The following LNX1 variants were observed in gnomAD, a reference collection of about 807,000 sequenced individuals.
The protein encoded by LNX1 is ligand of numb-protein X 1.
In LNX1, 54 loss-of-function variants were observed where a neutral mutation model predicts 68.4. That is an observed-to-expected ratio of 0.79 (90% confidence interval 0.63 to 0.99). LNX1 has a LOEUF of 0.99. LNX1 is among the 50% of genes least tolerant of loss of function. LNX1 has a pLI of 0.00. For missense variants in LNX1, 906 were observed against 926.4 expected (o/e 0.98, Z 0.29); for synonymous variants, 336 against 350.0 (o/e 0.96, Z 0.45).
At chr4:53,602,225 T>G (rs28445760) in intron 2 of LNX1, among the ~76,000 whole-genome samples, 15,243 of 152,130 alleles carry the variant, frequency 0.1, 832 homozygotes, top group East Asian at 0.12. Flanking sequence ...CCATCTATTC[T>G]AGGTCCTGCA....
intron 2 of LNX1, among the ~76,000 whole-genome samples, chr4:53,560,545 G>T (rs1394229040): frequency 6.6e-6 from 1 of 152,122 alleles, no homozygotes; most frequent in Admixed American, 6.5e-5. Context: ...TGACTAATGA[G>T]GTATGAGTAG....
Position 53,461,460 on chromosome 4 carries a change from G to A in LNX1, c.2026C>T (p.Pro676Ser), listed in dbSNP as rs778299236. 6 of 1,610,166 alleles carry A rather than the reference G, an allele frequency of 3.7e-6. No homozygotes were observed. The highest frequency in any genetic ancestry group is 5.1e-6 in the Non-Finnish European group (6 of 1,177,480). ...CTAATTCTTCCATCATTGTATGCTG[G>A]TGTTCCTTCAACAATGGATTTGATG... ...FFIKSIVEGTPAYNDGRIRCG... is the reference protein window; with the variant it reads ...FFIKSIVEGTSAYNDGRIRCG... The change falls in exon 10 of 11, where the codon CCA becomes TCA. Residue 676 changes from proline (P) to serine (S), a missense_variant. By Grantham distance (74) the Pro-to-Ser change is moderately conservative. Coordinates refer to ENST00000263925, the MANE Select transcript of LNX1 (RefSeq NM_001126328.3).
intron 1 of LNX1, among the ~76,000 whole-genome samples, chr4:53,627,523 A>G (rs986865567): frequency 9.2e-5 from 14 of 152,254 alleles, no homozygotes; most frequent in Non-Finnish European, 1.5e-4. Flanking sequence ...CCACAGATCA[A>G]CAAAACAAGA....
intron 1 of LNX1, among the ~76,000 whole-genome samples, chr4:53,645,212 AGGGCTCCTTTGGCAAGGGAACTCTC>A (rs1358401736): frequency 6.6e-6 from 1 of 152,208 alleles, no homozygotes; most frequent in Non-Finnish European, 1.5e-5. Context: ...ATCCAGAGGA[AGGGCTCCTTTGGCAAGGGAACTCTC>A]GGGAGGCTGG....
chr4:53,535,803 C>T (rs752453502), intron 2 of LNX1, among the ~76,000 whole-genome samples: 33 of 152,164 alleles, frequency 2.2e-4, no homozygotes, highest in Non-Finnish European at 2.1e-4. Context: ...AGATGAATTA[C>T]TTCTCATTCA....
chr4:53,476,107 G>A (rs1476217135), intron 9 of LNX1, among the ~76,000 whole-genome samples: 2 of 151,994 alleles, frequency 1.3e-5, no homozygotes, highest in Non-Finnish European at 2.9e-5. Context: ...GACCAGCCTG[G>A]GCAACATGGT....
intron 2 of LNX1, among the ~76,000 whole-genome samples, chr4:53,520,543 C>A (rs545503554): frequency 6.6e-6 from 1 of 152,226 alleles, no homozygotes; most frequent in South Asian, 2.1e-4. Context: ...AATTTCCATG[C>A]GACAGATGAT....
At chr4:53,593,185 A>G (rs533736872), upstream of LNX1, 7 of 152,306 alleles carry the variant, frequency 4.6e-5, no homozygotes, top group African/African-American at 1.7e-4. Flanking sequence ...TAATTGAGAA[A>G]CATCACTCAC....
At chr4:53,508,336 T>C in intron 2 of LNX1, 109 bp from the exon 3 acceptor site, 2 of 1,384,834 alleles carry the variant, frequency 1.4e-6, no homozygotes, top group South Asian at 1.4e-5. Flanking sequence ...TTGTTGAACT[T>C]GGAATTTGAT....
intron 2 of LNX1, among the ~76,000 whole-genome samples, chr4:53,545,020 GCTT>G (rs1352439613): frequency 6.6e-6 from 1 of 152,182 alleles, no homozygotes; most frequent in African/African-American, 2.4e-5. Context: ...GTACCCAGAT[GCTT>G]TTTTCTATTA....
chr4:53,527,437 C>G (rs62323622), intron 2 of LNX1, among the ~76,000 whole-genome samples: 3,608 of 152,254 alleles, frequency 0.024, 58 homozygotes, highest in Middle Eastern at 0.058. Flanking sequence ...TGAATTCCCC[C>G]ACACCCATAA....
intron 1 of LNX1, chr4:53,576,175 T>C: frequency 6.3e-7 from 1 of 1,577,920 alleles, no homozygotes; most frequent in African/African-American, 1.3e-5. Context: ...TGTTGCTGAC[T>C]TTCAGTGGTG....
At chr4:53,477,022 C>T in intron 8 of LNX1, 41 bp from the exon 9 acceptor site, 2 of 1,524,062 alleles carry the variant, frequency 1.3e-6, no homozygotes, top group East Asian at 4.5e-5. Flanking sequence ...AGTGAGAGCA[C>T]AAACAGGGAC....
chr4:53,570,797 G>T (rs1232921865), intron 2 of LNX1, among the ~76,000 whole-genome samples: 1 of 151,030 alleles, frequency 6.6e-6, no homozygotes, highest in African/African-American at 2.4e-5. Context: ...GGAGGCTGAG[G>T]CGGGCGGATC....
chr4:53,632,741 T>C (rs376548993), intron 1 of LNX1, among the ~76,000 whole-genome samples: 12 of 152,302 alleles, frequency 7.9e-5, no homozygotes, highest in East Asian at 5.8e-4. Context: ...TGGAATTATA[T>C]TGGGATCTGT....
chr4:53,571,465 G>A (rs1731163917), intron 2 of LNX1, among the ~76,000 whole-genome samples: 1 of 152,136 alleles, frequency 6.6e-6, no homozygotes, highest in South Asian at 2.1e-4. Context: ...GAGAGAGCCT[G>A]GAAGATGCTA....
intron 2 of LNX1, among the ~76,000 whole-genome samples, chr4:53,518,147 C>T (rs941654179): frequency 3.9e-5 from 6 of 152,208 alleles, no homozygotes; most frequent in Non-Finnish European, 5.9e-5. Context: ...TCTGTCTTGG[C>T]TTGTCAGGGT....
intron 10 of LNX1, 112 bp downstream of exon 10, chr4:53,461,323 T>C: frequency 1.1e-6 from 1 of 904,544 alleles, no homozygotes; most frequent in Non-Finnish European, 1.7e-6. Flanking sequence ...CGTACATACT[T>C]TTAATCCCCA....
intron 4 of LNX1, 58 bp from the exon 5 acceptor site, chr4:53,498,901 C>T: frequency 7.7e-7 from 1 of 1,290,502 alleles, no homozygotes; most frequent in South Asian, 1.2e-5. Context: ...TTTCCAACTA[C>T]TCTTCTTGCC....
Sources: gnomAD v4.1 joint callset for allele counts (sites outside exome capture counted in the v4.1 genomes callset) on GRCh38, gnomAD v4.1.1 for gene constraint, MANE v1.5 for transcripts, NCBI Gene and HGNC (gene_info 2026-07-23, HGNC 2026-07-21) for gene names.